The following NKAIN2 variants were observed in gnomAD, a reference collection of about 807,000 sequenced individuals.
The protein encoded by NKAIN2 is sodium/potassium transporting ATPase interacting 2.
Under a neutral mutation model 32.6 loss-of-function variants are expected in NKAIN2, and 14 were observed. That is an observed-to-expected ratio of 0.43 (90% confidence interval 0.28 to 0.67). The LOEUF (loss-of-function observed/expected upper bound fraction) is 0.67, where lower values mean the gene tolerates loss of function less well. Among genes scored for constraint, NKAIN2 ranks in the 30% least tolerant of loss-of-function variants. The pLI, the probability that NKAIN2 is intolerant of heterozygous loss-of-function variation, is 0.17. For synonymous variants in NKAIN2, 80 were observed against 87.2 expected, an observed-to-expected ratio of 0.92 and a Z score of 0.46; for missense variants, 198 against 258.3, an observed-to-expected ratio of 0.77 and a Z score of 1.60.
At chr6:124,040,910 A>G (rs1397668864) in intron 1 of NKAIN2, among the ~76,000 whole-genome samples, 1 of 152,102 alleles carries the variant, frequency 6.6e-6, no homozygotes, top group East Asian at 1.9e-4. Flanking sequence ...GTCCTAGTTC[A>G]TAGAGTTCAA....
At chr6:123,976,248 CATATAT>C (rs145822155) in intron 1 of NKAIN2, among the ~76,000 whole-genome samples, 8 of 101,022 alleles carry the variant, frequency 7.9e-5, no homozygotes, top group South Asian at 6.9e-4. Flanking sequence ...ATAGCAAGAA[CATATAT>C]ATATATATAT....
At chr6:124,473,111 A>G (rs1489575702) in intron 3 of NKAIN2, among the ~76,000 whole-genome samples, 1 of 152,210 alleles carries the variant, frequency 6.6e-6, no homozygotes, top group Non-Finnish European at 1.5e-5. Flanking sequence ...TAAAACAATT[A>G]ATTTGTTAGC....
chr6:124,640,886 C>A (rs1783960310), intron 3 of NKAIN2, among the ~76,000 whole-genome samples: 2 of 152,038 alleles, frequency 1.3e-5, no homozygotes, highest in South Asian at 4.1e-4. Context: ...TTCCTTTCTT[C>A]TTTCCTTCCA....
rs552319294 is a variant in NKAIN2 at position 123,950,791 on chromosome 6, G to A, written c.54+146537G>A. On this transcript the variant is annotated intron_variant, in intron 1 of 6. Transcript: ENST00000368417. ...TTGTTTTTTAGTCCAATTTCATTTAGTTCTGCTCTGATTTTTATTATTCTT... is the reference window on the plus strand; with the variant it reads ...TTGTTTTTTAGTCCAATTTCATTTAATTCTGCTCTGATTTTTATTATTCTT... 4.6e-5 allele frequency among the ~76,000 whole-genome samples: 7 copies of A among 151,812 alleles called. No individual in the cohort carries two copies. The South Asian group carries it at 1.5e-3, about 32-fold the overall frequency.
At position 123,964,876 on chromosome 6, in the gene NKAIN2, A is replaced by G. The variant is rs1451835583; in HGVS notation, c.54+160622A>G. Among the ~76,000 whole-genome samples the G allele has an allele frequency of 6.6e-6, 1 of 152,062 alleles. No individual in the cohort carries two copies. Among genetic ancestry groups the G allele is most frequent in the Non-Finnish European group, 1.5e-5 (1 of 67,998 alleles). ...GGCTCTCATTTTATTCCTTTTGCTC[A>G]TGTTCTCACCTTGTACCTATCACCA... On this transcript the variant is annotated intron_variant, in intron 1 of 6. Transcript: ENST00000368417. The surrounding 1 kb of genome is among the most constrained non-coding windows in gnomAD (Gnocchi z 4.0).
intron 1 of NKAIN2, among the ~76,000 whole-genome samples, chr6:123,836,586 A>T (rs547387248): frequency 2.6e-5 from 4 of 152,196 alleles, no homozygotes; most frequent in Non-Finnish European, 5.9e-5. Context: ...ATTTGGAATG[A>T]AGCTAAGGAA....
At chr6:124,617,404 C>T (rs1583527921) in intron 3 of NKAIN2, among the ~76,000 whole-genome samples, 1 of 152,280 alleles carries the variant, frequency 6.6e-6, no homozygotes, top group Non-Finnish European at 1.5e-5. Context: ...AATGGCCTTG[C>T]TCAAATCATT....
intron 1 of NKAIN2, among the ~76,000 whole-genome samples, chr6:124,182,944 T>G (rs1479284976): frequency 1.3e-5 from 2 of 152,170 alleles, no homozygotes; most frequent in Non-Finnish European, 2.9e-5. Flanking sequence ...GTATTAGAAC[T>G]AGCCCTAAAG....
At chr6:124,269,458 T>C (rs1393529885) in intron 1 of NKAIN2, among the ~76,000 whole-genome samples, 1 of 151,306 alleles carries the variant, frequency 6.6e-6, no homozygotes, top group Non-Finnish European at 1.5e-5. Flanking sequence ...TCTTTCTTTT[T>C]TTTTTCTTTT....
chr6:124,202,921 AG>A (rs1790665448), intron 1 of NKAIN2, among the ~76,000 whole-genome samples: 1 of 151,962 alleles, frequency 6.6e-6, no homozygotes, highest in African/African-American at 2.4e-5. Context: ...AGAGGCATAA[AG>A]TTGTAATATT....
chr6:124,221,072 C>T (rs1474026931), intron 1 of NKAIN2, among the ~76,000 whole-genome samples: 1 of 151,984 alleles, frequency 6.6e-6, no homozygotes, highest in East Asian at 1.9e-4. Context: ...ACCCAAAGGA[C>T]TGTAAATCAT....
chr6:123,961,006 A>G (rs754595125), intron 1 of NKAIN2, among the ~76,000 whole-genome samples: 10 of 152,122 alleles, frequency 6.6e-5, no homozygotes, highest in Non-Finnish European at 1.3e-4. Flanking sequence ...CTTCTTTTCC[A>G]AAAGAATACT....
chr6:124,357,237 TA>T (rs1025258271), intron 3 of NKAIN2, among the ~76,000 whole-genome samples: 229 of 151,110 alleles, frequency 1.5e-3, no homozygotes, highest in African/African-American at 4.7e-3. Flanking sequence ...ACAAATAACC[TA>T]AAAAAAAACC....
chr6:124,654,715 A>C (rs2619076), intron 3 of NKAIN2, among the ~76,000 whole-genome samples: 73,080 of 151,970 alleles, frequency 0.48, 19,525 homozygotes, highest in Non-Finnish European at 0.61. Flanking sequence ...TTAAAAACAG[A>C]AATTTGGATA....
intron 3 of NKAIN2, among the ~76,000 whole-genome samples, chr6:124,574,618 C>G (rs4896442): frequency 0.45 from 67,867 of 151,750 alleles, 17,818 homozygotes; most frequent in Non-Finnish European, 0.56. Context: ...GACTCTGTCT[C>G]AAAATAAAAA....
chr6:124,552,261 C>G (rs536298), intron 3 of NKAIN2, among the ~76,000 whole-genome samples: 73,652 of 152,074 alleles, frequency 0.48, 18,771 homozygotes, highest in African/African-American at 0.64. Flanking sequence ...ACATGTGCCT[C>G]TCAACTAAAT....
At chr6:124,595,961 A>G (rs1782071774) in intron 3 of NKAIN2, among the ~76,000 whole-genome samples, 1 of 152,100 alleles carries the variant, frequency 6.6e-6, no homozygotes, top group Admixed American at 6.6e-5. Context: ...GAGTCTGCAG[A>G]GTTCTCCATT....
intron 3 of NKAIN2, among the ~76,000 whole-genome samples, chr6:124,424,174 T>C (rs1017813567): frequency 1.3e-5 from 2 of 152,060 alleles, no homozygotes; most frequent in East Asian, 3.9e-4. Context: ...TTTGTATTTT[T>C]AGTAGAGACG....
intron 3 of NKAIN2, among the ~76,000 whole-genome samples, chr6:124,474,911 AC>A (rs1777137142): frequency 1.4e-5 from 2 of 146,252 alleles, no homozygotes; most frequent in Admixed American, 6.9e-5. Context: ...CATATTATAT[AC>A]TATATATGTA....
Sources: allele counts gnomAD v4.1 joint callset (sites outside exome capture counted in the v4.1 genomes callset), GRCh38; gene constraint gnomAD v4.1.1; non-coding constraint Gnocchi (gnomAD v3.1); transcripts MANE v1.5; gene names NCBI Gene and HGNC (gene_info 2026-07-23, HGNC 2026-07-21).